The following TMEM132C variants were observed in gnomAD, a reference collection of about 807,000 sequenced individuals.
TMEM132C encodes protein phosphatase 1, regulatory subunit 152.
A neutral mutation model predicts 61.4 loss-of-function variants in TMEM132C; 29 were observed. The ratio of observed to expected loss-of-function variants is 0.47; its 90% CI spans 0.35 to 0.64. The LOEUF is 0.64. TMEM132C is among the 30% of genes least tolerant of loss of function. The pLI, the probability that TMEM132C is intolerant of heterozygous loss-of-function variation, is 0.00. For synonymous variants in TMEM132C, 656 were observed against 633.1 expected (o/e 1.04, Z -0.54); for missense variants, 1,408 against 1,476.9 (o/e 0.95, Z 0.76).
intron 5 of TMEM132C, among the ~76,000 whole-genome samples, chr12:128,683,586 C>T (rs963287615): frequency 6.6e-6 from 1 of 152,186 alleles, no homozygotes; most frequent in Non-Finnish European, 1.5e-5. Context: ...CTTTGATTTC[C>T]TCACCTGTAA....
chr12:128,511,861 A>G (rs1444827088), intron 2 of TMEM132C, among the ~76,000 whole-genome samples: 1 of 152,162 alleles, frequency 6.6e-6, no homozygotes, highest in Admixed American at 6.5e-5. Flanking sequence ...CTAGTGAACA[A>G]AGATACTCCT....
chr12:128,345,510 G>T (rs1369906364), intron 1 of TMEM132C, among the ~76,000 whole-genome samples: 2 of 152,110 alleles, frequency 1.3e-5, no homozygotes, highest in African/African-American at 2.4e-5. Context: ...TGAACTATTA[G>T]ATAATTTACA....
chr12:128,278,745 C>CGTGTGT lies in TMEM132C; in HGVS notation c.85+11262_85+11263insGTGTGT, dbSNP rs201012004. Among the ~76,000 whole-genome samples the CGTGTGT allele has an allele frequency of 0.033, 4,487 of 135,502 alleles. 98 individuals carry two copies. Among genetic ancestry groups the CGTGTGT allele is most frequent in the South Asian group, 0.07 (280 of 4,012 alleles). The allele number at this position is 135,502 out of a possible 152,430, so 88.9% of individuals were successfully genotyped here. A position where few individuals can be genotyped will look rare whatever the true frequency, so the allele number is the denominator to read the frequency against. On this transcript the variant is annotated intron_variant, in intron 1 of 8. Transcript: ENST00000435159. The surrounding 1 kb of genome is among the most constrained non-coding windows in gnomAD (Gnocchi z 4.2). ...ATATTTGTGCAGACTTGATTCTATACGTGTATGTGTGTGTGTGTGTGTGTG... is the reference window on the plus strand; with the variant it reads ...ATATTTGTGCAGACTTGATTCTATACGTGTGTGTGTATGTGTGTGTGTGTGTGTGTG...
chr12:128,448,278 C>A (rs1040992256), intron 2 of TMEM132C, among the ~76,000 whole-genome samples: 6 of 152,174 alleles, frequency 3.9e-5, no homozygotes, highest in African/African-American at 1.4e-4. Flanking sequence ...ACTCCGAAAA[C>A]CACATGACTT....
Position 128,358,700 on chromosome 12 carries a change from A to G in TMEM132C, c.86-56032A>G, listed in dbSNP as rs573771809. On this transcript the variant is annotated intron_variant, in intron 1 of 8. Transcript: ENST00000435159. ...CCTTGGAGAGCTCCATGTGATACCC[A>G]AAACTAATTGAGGCACTTATAGTGG... Among the ~76,000 whole-genome samples the G allele has an allele frequency of 7.9e-5, 12 of 152,246 alleles. No individual in the cohort carries two copies. The South Asian group carries it at 2.1e-3, about 26-fold the overall frequency.
At chr12:128,658,576 T>C (rs1040802052) in intron 4 of TMEM132C, among the ~76,000 whole-genome samples, 5 of 152,178 alleles carry the variant, frequency 3.3e-5, no homozygotes, top group African/African-American at 1.2e-4. Flanking sequence ...TTATCTGCTA[T>C]GGTTAAGTCC....
chr12:128,267,550 CG>C, intron 1 of TMEM132C, 63 bp downstream of exon 1: 1 of 1,182,836 alleles, frequency 8.5e-7, no homozygotes, highest in Non-Finnish European at 1.1e-6. Flanking sequence ...CGGGGGAGCT[CG>C]GGGTGAGGGC....
intron 2 of TMEM132C, among the ~76,000 whole-genome samples, chr12:128,462,791 T>G (rs1387034242): frequency 3.3e-5 from 5 of 152,138 alleles, no homozygotes; most frequent in Non-Finnish European, 7.3e-5. Context: ...GTAATACCTA[T>G]TTTGGAGGAA....
At position 128,606,457 on chromosome 12, in the gene TMEM132C, C is replaced by T. The variant is rs1228429888; in HGVS notation, c.1122-9695C>T. On this transcript the variant is annotated intron_variant, in intron 3 of 8. Transcript: ENST00000435159. ...TTATTCCCCCTGCCTGTATTTCCCT[C>T]GCTGCCCAGCCTCCTTTCTTAATTG... is the stretch of plus-strand genomic sequence containing the variant. Among the ~76,000 whole-genome samples, 4 of 152,242 alleles carry T rather than the reference C, an allele frequency of 2.6e-5. No homozygotes were observed. In the South Asian group the frequency reaches 6.2e-4, roughly 24 times the overall value.
intron 1 of TMEM132C, among the ~76,000 whole-genome samples, chr12:128,339,919 C>T (rs996206277): frequency 6.6e-6 from 1 of 152,180 alleles, no homozygotes; most frequent in Non-Finnish European, 1.5e-5. Flanking sequence ...TCCTGGCCAC[C>T]ATTCCTGGCC....
At chr12:128,303,267 A>C (rs1593003803) in intron 1 of TMEM132C, among the ~76,000 whole-genome samples, 1 of 152,364 alleles carries the variant, frequency 6.6e-6, no homozygotes, top group East Asian at 1.9e-4. Context: ...AAAATTTATC[A>C]GTAAAAATGA....
chr12:128,455,701 T>C (rs1870315502), intron 2 of TMEM132C, among the ~76,000 whole-genome samples: 1 of 152,196 alleles, frequency 6.6e-6, no homozygotes. Context: ...ATCCATTGTA[T>C]TGGTGTTTAT....
chr12:128,425,119 A>G (rs1313228991), intron 2 of TMEM132C, among the ~76,000 whole-genome samples: 3 of 152,194 alleles, frequency 2.0e-5, no homozygotes, highest in Non-Finnish European at 2.9e-5. Flanking sequence ...GATACTTGAA[A>G]GGGCCTCAGC....
At chr12:128,600,698 A>T (rs1876153507) in intron 3 of TMEM132C, among the ~76,000 whole-genome samples, 1 of 152,124 alleles carries the variant, frequency 6.6e-6, no homozygotes, top group South Asian at 2.1e-4. Context: ...TGGGGCCCTG[A>T]TCACAGGTGT....
intron 2 of TMEM132C, among the ~76,000 whole-genome samples, chr12:128,502,251 A>T (rs1388824877): frequency 6.6e-6 from 1 of 152,122 alleles, no homozygotes; most frequent in Non-Finnish European, 1.5e-5. Context: ...GGAGAGACAA[A>T]CACATGAACA....
At chr12:128,528,032 C>G (rs1188235491) in intron 2 of TMEM132C, among the ~76,000 whole-genome samples, 1 of 152,138 alleles carries the variant, frequency 6.6e-6, no homozygotes, top group Non-Finnish European at 1.5e-5. Flanking sequence ...TAGAAGAGAG[C>G]CTGGCTGATA....
chr12:128,500,991 C>T (rs1872156517), intron 2 of TMEM132C, among the ~76,000 whole-genome samples: 1 of 152,128 alleles, frequency 6.6e-6, no homozygotes, highest in Non-Finnish European at 1.5e-5. Flanking sequence ...ATACTATGGA[C>T]AGTTATTCAG....
Position 128,705,172 on chromosome 12 carries a change from T to C in TMEM132C, c.2204T>C (p.Leu735Pro). Residue 735 changes from leucine to proline, a missense_variant, in exon 9 of 9, where the codon CTG becomes CCG. By Grantham distance (98) the Leu-to-Pro change is moderately conservative (BLOSUM62 -3). Transcript: ENST00000435159. ...ATCTACGACACCAAGGACTTCTCCC[T>C]GGCAGCCACCTCCCAGGACGAGGCT... Reference protein sequence around the residue: ...LDIYDTKDFSLAATSQDEAVV... With the variant: ...LDIYDTKDFSPAATSQDEAVV... 6.4e-7 allele frequency: 1 copy of C among 1,551,686 alleles called. No individual in the cohort carries two copies.
At chr12:128,550,744 T>C (rs760841217) in intron 3 of TMEM132C, among the ~76,000 whole-genome samples, 1 of 152,224 alleles carries the variant, frequency 6.6e-6, no homozygotes, top group Non-Finnish European at 1.5e-5. Flanking sequence ...AGATGAATTT[T>C]GGAGGGAACA....
Sources: gnomAD v4.1 joint callset for allele counts (sites outside exome capture counted in the v4.1 genomes callset) on GRCh38, gnomAD v4.1.1 for gene constraint, Gnocchi (gnomAD v3.1) non-coding constraint, MANE v1.5 for transcripts, NCBI Gene and HGNC (gene_info 2026-07-23, HGNC 2026-07-21) for gene names.